Variants in ADGRL3 observed in about 807,000 individuals in gnomAD.
The protein encoded by ADGRL3 is calcium-independent alpha-latrotoxin receptor 3.
In ADGRL3, 62 loss-of-function variants were observed where a neutral mutation model predicts 153.5. That is an observed-to-expected ratio of 0.40 (90% CI 0.33 to 0.50). ADGRL3 has a LOEUF of 0.50. Ranked by LOEUF, ADGRL3 falls within the 20% of genes least tolerant of loss-of-function variation. The pLI is 0.47. For synonymous variants in ADGRL3, 710 were observed against 672.5 expected, an observed-to-expected ratio of 1.06 and a Z score of -0.86; for missense variants, 1,641 against 1,859.4, an observed-to-expected ratio of 0.88 and a Z score of 2.16.
At chr4:62,010,700 G>A (rs2099181693) in intron 21 of ADGRL3, among the ~76,000 whole-genome samples, 1 of 29,770 alleles carries the variant, frequency 3.4e-5, no homozygotes, top group Non-Finnish European at 1.5e-4. Context: ...GAAGTCTTAT[G>A]AAAAGGGAAC....
Position 61,733,383 on chromosome 4 carries a change from A to C in ADGRL3, c.1228A>C (p.Ile410Leu). 6.2e-7 allele frequency: 1 copy of C among 1,613,764 alleles called. No homozygotes were observed. The highest frequency in any genetic ancestry group is 8.5e-7 in the Non-Finnish European group (1 of 1,179,812). Residue 410 changes from isoleucine (I) to leucine (L), a missense_variant, in exon 8 of 27, where the codon ATT (isoleucine) becomes CTT (leucine). This residue lies in a region of ADGRL3 where 734 missense variants were observed against 797.0 expected (regional missense o/e 0.92). Transcript: ENST00000683033. ...NEATGNKIDY[I>L]YNTDQSKDSL... ...GGCTACTGGAAATAAGATTGACTACATTTACAACACTGACCAAAGCAAGGA... is the reference window on the plus strand; with the variant it reads ...GGCTACTGGAAATAAGATTGACTACCTTTACAACACTGACCAAAGCAAGGA...
At chr4:61,449,372 T>C (rs1014844260) in intron 2 of ADGRL3, among the ~76,000 whole-genome samples, 2 of 151,906 alleles carry the variant, frequency 1.3e-5, no homozygotes, top group African/African-American at 4.8e-5. Context: ...CCTGACCTCG[T>C]AATCTGCCTG....
At chr4:61,602,739 C>T (rs556971081) in intron 5 of ADGRL3, among the ~76,000 whole-genome samples, 61 of 152,204 alleles carry the variant, frequency 4.0e-4, no homozygotes, top group Non-Finnish European at 6.3e-4. Context: ...CCATCCCTTA[C>T]TTCAAAGGCA....
chr4:61,406,746 T>A (rs1210048673), intron 2 of ADGRL3, among the ~76,000 whole-genome samples: 1 of 152,000 alleles, frequency 6.6e-6, no homozygotes, highest in Non-Finnish European at 1.5e-5. Context: ...TGTAATGTGT[T>A]TGTACAAGAA....
At chr4:61,962,188 G>A (rs751174298) in intron 17 of ADGRL3, among the ~76,000 whole-genome samples, 5 of 150,926 alleles carry the variant, frequency 3.3e-5, no homozygotes, top group Admixed American at 6.6e-5. Context: ...GCAGTGAGCC[G>A]AGATCACACC....
At chr4:61,301,472 C>T (rs1016319745) in intron 1 of ADGRL3, among the ~76,000 whole-genome samples, 2 of 152,170 alleles carry the variant, frequency 1.3e-5, no homozygotes, top group Admixed American at 6.5e-5. Flanking sequence ...AGGGGAAAAT[C>T]AGGCTATCCT....
At chr4:61,373,218 A>G (rs1235122522) in intron 1 of ADGRL3, among the ~76,000 whole-genome samples, 1 of 152,124 alleles carries the variant, frequency 6.6e-6, no homozygotes, top group Non-Finnish European at 1.5e-5. Flanking sequence ...TGTAGACCGG[A>G]GCTGTTCCTA....
chr4:61,296,533 C>A (rs1345234667), intron 1 of ADGRL3, among the ~76,000 whole-genome samples: 7 of 152,076 alleles, frequency 4.6e-5, no homozygotes, highest in Admixed American at 4.6e-4. Context: ...AGATAAATTG[C>A]TTAAGGATTT....
intron 8 of ADGRL3, among the ~76,000 whole-genome samples, chr4:61,745,789 A>C (rs1179770842): frequency 6.6e-6 from 1 of 152,198 alleles, no homozygotes; most frequent in East Asian, 1.9e-4. Context: ...GGCTAGGAAT[A>C]AACTGCATCA....
intron 5 of ADGRL3, among the ~76,000 whole-genome samples, chr4:61,591,876 A>G (rs1249212622): frequency 4.0e-5 from 6 of 151,864 alleles, no homozygotes; most frequent in East Asian, 2.0e-4. Flanking sequence ...CAGGAGTTCA[A>G]GACCAGCCTG....
At chr4:61,281,585 T>C (rs2093726146) in intron 1 of ADGRL3, among the ~76,000 whole-genome samples, 1 of 152,144 alleles carries the variant, frequency 6.6e-6, no homozygotes. Flanking sequence ...TTTATACTTC[T>C]GAATCTTCAG....
At chr4:61,395,787 A>G (rs2096861595) in intron 2 of ADGRL3, among the ~76,000 whole-genome samples, 1 of 152,010 alleles carries the variant, frequency 6.6e-6, no homozygotes, top group Non-Finnish European at 1.5e-5. Flanking sequence ...AAATGTTTTA[A>G]CTGGCATGGA....
At chr4:61,475,398 A>T (rs2098033613) in intron 2 of ADGRL3, among the ~76,000 whole-genome samples, 1 of 152,134 alleles carries the variant, frequency 6.6e-6, no homozygotes, top group African/African-American at 2.4e-5. Flanking sequence ...TCTGACAAAG[A>T]TTTATGGGGT....
intron 8 of ADGRL3, among the ~76,000 whole-genome samples, chr4:61,759,013 T>C (rs2096874668): frequency 6.6e-6 from 1 of 152,168 alleles, no homozygotes; most frequent in Non-Finnish European, 1.5e-5. Flanking sequence ...TGGCCCCCAC[T>C]GTCTTCTGGC....
In ADGRL3 at chr4:62,074,836, A is replaced by G. The variant is rs1680461529; in HGVS notation, c.*3928A>G. On this transcript the variant is annotated 3_prime_UTR_variant, in exon 27 of 27. Transcript: ENST00000683033. ...TAGGTTTAAGATTCTTATTAGTATT[A>G]ACTTAATTGGTATGACAAAACTTTT... 1 of 152,058 alleles carries G rather than the reference A, an allele frequency of 6.6e-6. No individual in the cohort carries two copies. The allele number at this position is 152,058 out of a possible 1,614,324, so 9.4% of individuals were successfully genotyped here. A position where few individuals can be genotyped will look rare whatever the true frequency, so the allele number is the denominator to read the frequency against.
intron 21 of ADGRL3, among the ~76,000 whole-genome samples, chr4:62,007,395 C>CACACACACACAT (rs369431931): frequency 6.5e-5 from 5 of 76,460 alleles, no homozygotes; most frequent in Non-Finnish European, 1.0e-4. Context: ...CACACACACA[C>CACACACACACAT]ATATATATAT....
At chr4:61,824,802 A>G (rs993906895) in intron 9 of ADGRL3, among the ~76,000 whole-genome samples, 1 of 152,254 alleles carries the variant, frequency 6.6e-6, no homozygotes, top group Admixed American at 6.5e-5. Context: ...ACTTGACAAT[A>G]GATGTAGAAG....
chr4:61,431,431 A>C (rs1469451496), intron 2 of ADGRL3, among the ~76,000 whole-genome samples: 1 of 152,210 alleles, frequency 6.6e-6, no homozygotes, highest in Non-Finnish European at 1.5e-5. Flanking sequence ...TGAGCCACTA[A>C]GATAGAGGAC....
intron 1 of ADGRL3, among the ~76,000 whole-genome samples, chr4:61,324,337 T>C (rs1268122551): frequency 6.6e-6 from 1 of 152,140 alleles, no homozygotes; most frequent in Non-Finnish European, 1.5e-5. Context: ...GAGAAACGTA[T>C]ACCTGGAAGT....
Sources: allele counts gnomAD v4.1 joint callset (sites outside exome capture counted in the v4.1 genomes callset), GRCh38; gene constraint gnomAD v4.1.1; regional missense constraint gnomAD v4.1.1; transcripts MANE v1.5; gene names NCBI Gene and HGNC (gene_info 2026-07-23, HGNC 2026-07-21).